Variants in FLNB observed in about 807,000 individuals in gnomAD.
The protein encoded by FLNB is filamin B.
Under a neutral mutation model 250.6 loss-of-function variants are expected in FLNB, and 111 were observed. The observed-to-expected ratio is 0.44, with a 90% CI of 0.38 to 0.52. The LOEUF (loss-of-function observed/expected upper bound fraction) is 0.52, where lower values mean the gene tolerates loss of function less well. Ranked by LOEUF, FLNB falls within the 20% of genes least tolerant of loss-of-function variation. The probability of loss-of-function intolerance (pLI) is 0.00; values close to 1 mark genes in which losing one functional copy is unlikely to be tolerated. For missense variants in FLNB, 2,869 were observed against 3,447.8 expected (o/e 0.83, Z 4.20); for synonymous variants, 1,302 against 1,372.1 (o/e 0.95, Z 1.13).
At chr3:58,033,858 C>CTTAT in intron 1 of FLNB, among the ~76,000 whole-genome samples, 1 of 152,024 alleles carries the variant, frequency 6.6e-6, no homozygotes, top group South Asian at 2.1e-4. Flanking sequence ...TGGGTGGTTT[C>CTTAT]TTATTTATTT....
intron 4 of FLNB, among the ~76,000 whole-genome samples, chr3:58,087,904 C>T (rs1317835002): frequency 6.6e-6 from 1 of 152,036 alleles, no homozygotes; most frequent in Non-Finnish European, 1.5e-5. Context: ...CCACACCCCG[C>T]CAATTTTGTA....
intron 1 of FLNB, among the ~76,000 whole-genome samples, chr3:58,070,344 G>A (rs1055418235): frequency 1.3e-5 from 2 of 152,010 alleles, no homozygotes. Flanking sequence ...GTGCCCGGCC[G>A]ACACTTGGCA....
At chr3:58,097,786 T>C (rs1389826176) in intron 6 of FLNB, 29 bp from the exon 7 acceptor site, 1 of 1,608,002 alleles carries the variant, frequency 6.2e-7, no homozygotes, top group South Asian at 1.1e-5. Context: ...GAAGTGATTA[T>C]GTATTTCTCA....
intron 1 of FLNB, among the ~76,000 whole-genome samples, chr3:58,016,313 C>T (rs1358177440): frequency 6.6e-6 from 1 of 151,952 alleles, no homozygotes. Context: ...CCTAGCCTCC[C>T]AAAGTGCTGG....
At position 58,171,684 on chromosome 3, in the gene FLNB, G is replaced by C. The variant is rs2097382705; in HGVS notation, c.*922G>C. 6.6e-6 allele frequency: 1 copy of C among 152,384 alleles called. No homozygotes were observed. Among genetic ancestry groups the C allele is most frequent in the South Asian group, 2.1e-4 (1 of 4,832 alleles). The allele number at this position is 152,384 out of a possible 1,614,324, so 9.4% of individuals were successfully genotyped here. On this transcript the variant is annotated 3_prime_UTR_variant, in exon 46 of 46. Transcript: ENST00000295956. This position sits in a 1 kb window ranked among gnomAD's most constrained non-coding sequence, Gnocchi z 5.5. The stretch of plus-strand genomic sequence containing the variant: ...CCATGGATTAACGCCCTCATCCCAA[G>C]GTCCGTCCCATGACATAACACTCCA...
intron 14 of FLNB, 35 bp from the exon 15 acceptor site, chr3:58,109,541 G>A: frequency 1.9e-6 from 3 of 1,614,138 alleles, no homozygotes; most frequent in Admixed American, 1.7e-5. Flanking sequence ...TCCAAGTGGA[G>A]GAGAACTTGA....
chr3:58,134,559 C>T, intron 26 of FLNB, 57 bp from the exon 27 acceptor site: 1 of 1,599,686 alleles, frequency 6.3e-7, no homozygotes. Flanking sequence ...AAGTCAGATG[C>T]AGCTGGGTTG....
chr3:58,023,513 A>C (rs1404169017), intron 1 of FLNB, among the ~76,000 whole-genome samples: 1 of 152,254 alleles, frequency 6.6e-6, no homozygotes, highest in East Asian at 1.9e-4. Context: ...ATTTTAATGA[A>C]TCTTTTTCTA....
intron 22 of FLNB, 94 bp from the exon 23 acceptor site, chr3:58,125,487 T>C: frequency 1.4e-6 from 2 of 1,412,236 alleles, no homozygotes; most frequent in Non-Finnish European, 2.0e-6. Flanking sequence ...GCATGCAGAC[T>C]TCGATGCTAG....
chr3:58,121,709 C>T (rs987918226), intron 20 of FLNB, among the ~76,000 whole-genome samples: 4 of 152,184 alleles, frequency 2.6e-5, no homozygotes, highest in Non-Finnish European at 5.9e-5. Context: ...TGGTGAGGGG[C>T]TCCCTGTCCC....
rs2097313277 is a variant in FLNB, at chr3:58,134,733, C to T, written c.4632C>T (p.Ala1544=). Residue 1544 remains alanine (A), a synonymous_variant, in exon 27 of 46, where the codon GCC becomes GCT. Transcript: ENST00000295956. ...TACCTGTGGACTTTGCAATTGATGC[C>T]CGAGATGCCGGGGAAGGCCTGCTTG... ...ASLPVDFAID[A]RDAGEGLLAV... 1 of 1,614,120 alleles carries T rather than the reference C, an allele frequency of 6.2e-7. No individual in the cohort carries two copies. Among genetic ancestry groups the T allele is most frequent in the Admixed American group, 1.7e-5 (1 of 60,026 alleles).
chr3:58,148,076 A>AT (rs66977380), intron 34 of FLNB, 130 bp from the exon 35 acceptor site: 356 of 897,632 alleles, frequency 4.0e-4, no homozygotes, highest in East Asian at 5.5e-4. Flanking sequence ...TTCAAGGCTC[A>AT]TTTTTTTTTC....
intron 4 of FLNB, among the ~76,000 whole-genome samples, chr3:58,093,123 A>G (rs1472625984): frequency 6.6e-6 from 1 of 152,218 alleles, no homozygotes; most frequent in African/African-American, 2.4e-5. Flanking sequence ...GTTATTTGCT[A>G]GAGTGGCTCA....
intron 1 of FLNB, among the ~76,000 whole-genome samples, chr3:58,054,138 A>T (rs2106852903): frequency 6.6e-6 from 1 of 152,272 alleles, no homozygotes; most frequent in East Asian, 1.9e-4. Context: ...CTTGGTGCTG[A>T]GTGCTTGGGA....
intron 28 of FLNB, among the ~76,000 whole-genome samples, chr3:58,136,642 C>T (rs2097316475): frequency 6.6e-6 from 1 of 151,718 alleles, no homozygotes; most frequent in South Asian, 2.1e-4. Context: ...CAGGAATTCT[C>T]CATGAATATT....
Position 58,106,768 on chromosome 3 carries a change from G to C in FLNB, c.1836G>C (p.Glu612Asp), listed in dbSNP as rs765137999. Residue 612 changes from glutamate (E) to aspartate (D), a missense_variant, in exon 12 of 46, where the codon GAG (glutamate) becomes GAC (aspartate). Glu to Asp is a conservative substitution (Grantham distance 45, BLOSUM62 2). Transcript: ENST00000295956. Reference sequence around the variant, plus strand: ...GTGATGTCAAATACTGGCCCAAGGAGCCTGGCGAATATGCTGTTCACATCA... The same window carrying C: ...GTGATGTCAAATACTGGCCCAAGGACCCTGGCGAATATGCTGTTCACATCA... ...GSCDVKYWPK[E>D]PGEYAVHIMC... The C allele has an allele frequency of 6.2e-7, 1 of 1,614,152 alleles. No homozygotes were observed. Among genetic ancestry groups the C allele is most frequent in the Non-Finnish European group, 8.5e-7 (1 of 1,180,018 alleles).
rs199930817 is a variant in FLNB, at chr3:58,121,475, A to C, written c.3098A>C (p.Glu1033Ala). The change falls in exon 20 of 46, where the codon GAG (glutamate) becomes GCG (alanine). Residue 1033 changes from glutamate (E) to alanine (A), a missense_variant. Glu to Ala is a moderately radical substitution (Grantham distance 107). Coordinates refer to ENST00000295956, the MANE Select transcript of FLNB (RefSeq NM_001457.4). ...GTGCCCGGGAGCCCCTACACAGTGG[A>C]GGCCTCGCTGCCACCAGATCCCAGC... ...HPVPGSPYTV[E>A]ASLPPDPSKV... 5 of 1,613,960 alleles carry C rather than the reference A, an allele frequency of 3.1e-6. No homozygotes were observed. Among genetic ancestry groups the C allele is most frequent in the Non-Finnish European group, 4.2e-6 (5 of 1,180,012 alleles).
intron 7 of FLNB, 107 bp from the exon 8 acceptor site, chr3:58,098,604 A>G: frequency 9.4e-7 from 1 of 1,063,304 alleles, no homozygotes; most frequent in Middle Eastern, 2.9e-4. Context: ...AAGTGCTGGG[A>G]TTACAAGCAT....
At chr3:58,128,613 A>G (rs966991141) in intron 24 of FLNB, among the ~76,000 whole-genome samples, 1 of 152,186 alleles carries the variant, frequency 6.6e-6, no homozygotes. Flanking sequence ...AGTTGGGCAC[A>G]GGAAACGGGT....
Sources: allele counts gnomAD v4.1 joint callset (sites outside exome capture counted in the v4.1 genomes callset), GRCh38; gene constraint gnomAD v4.1.1; non-coding constraint Gnocchi (gnomAD v3.1); transcripts MANE v1.5; gene names NCBI Gene and HGNC (gene_info 2026-07-23, HGNC 2026-07-21).